ARID3B: variants seen among roughly 807,000 people sequenced by gnomAD.
ARID3B encodes AT-rich interaction domain 3B.
In ARID3B, 10 loss-of-function variants were observed where a neutral mutation model predicts 51.9. That is an observed-to-expected ratio of 0.19 (90% CI 0.12 to 0.33). The LOEUF (loss-of-function observed/expected upper bound fraction) is 0.33, where lower values mean the gene tolerates loss of function less well. Among genes scored for constraint, ARID3B ranks in the 10% least tolerant of loss-of-function variants. ARID3B has a pLI of 1.00. For synonymous variants in ARID3B, 205 were observed against 279.5 expected (o/e 0.73, Z 2.66); for missense variants, 483 against 716.3 (o/e 0.67, Z 3.72).
intron 2 of ARID3B, among the ~76,000 whole-genome samples, chr15:74,566,775 A>T (rs1276750643): frequency 6.6e-6 from 1 of 152,150 alleles, no homozygotes; most frequent in Admixed American, 6.5e-5. Context: ...TTTTTAAAAT[A>T]AAAAAAGAGC....
rs1353513792 is a variant in ARID3B, at chr15:74,589,833, C to A, written c.711C>A (p.Asn237Lys). 2 of 1,610,342 alleles carry A rather than the reference C, an allele frequency of 1.2e-6. No homozygotes were observed. Among genetic ancestry groups the A allele is most frequent in the Middle Eastern group, 3.4e-4 (2 of 5,892 alleles). Residue 237 changes from asparagine to lysine, a missense_variant, in exon 5 of 9, where the codon AAC (asparagine) becomes AAA (lysine). Coordinates refer to ENST00000346246, the MANE Select transcript of ARID3B (RefSeq NM_006465.4). ...GGACAACCACAGGGACCCCCATCAA[C>A]CGAATCCCCATCATGGCCAAACAGA... The part of the protein sequence containing the change: ...VFMQKRGTPI[N>K]RIPIMAKQIL...
chr15:74,582,829 A>T (rs1307570359), intron 4 of ARID3B, among the ~76,000 whole-genome samples: 3 of 152,234 alleles, frequency 2.0e-5, no homozygotes, highest in Non-Finnish European at 2.9e-5. Context: ...AAGAATTCCA[A>T]TGTCCATCAG....
At position 74,591,216 on chromosome 15, in the gene ARID3B, A is replaced by G; in HGVS notation, c.947A>G (p.Gln316Arg). 1 of 1,613,584 alleles carries G rather than the reference A, an allele frequency of 6.2e-7. No individual in the cohort carries two copies. Among genetic ancestry groups the G allele is most frequent in the East Asian group, 2.2e-5 (1 of 44,868 alleles). The part of the protein sequence containing the change: ...KKALSSPAEL[Q>R]AAIDGNRREG... Reference sequence around the variant, plus strand: ...GCCTTGAGTTCCCCAGCCGAGCTCCAGGCAGCAATTGATGGCAACCGCAGG... The same window carrying G: ...GCCTTGAGTTCCCCAGCCGAGCTCCGGGCAGCAATTGATGGCAACCGCAGG... The change falls in exon 6 of 9, where the codon CAG (glutamine) becomes CGG (arginine). Residue 316 changes from glutamine (Q) to arginine (R), a missense_variant. Transcript: ENST00000346246. This position sits in a 1 kb window ranked among gnomAD's most constrained non-coding sequence, Gnocchi z 5.8.
intron 4 of ARID3B, chr15:74,573,819 G>A: frequency 6.6e-6 from 1 of 152,088 alleles, no homozygotes; most frequent in Non-Finnish European, 1.5e-5. Flanking sequence ...TCAGCTCACT[G>A]CAACCTCTGC....
At chr15:74,545,972 GC>G (rs1180354501) in intron 2 of ARID3B, among the ~76,000 whole-genome samples, 2 of 152,226 alleles carry the variant, frequency 1.3e-5, no homozygotes, top group Admixed American at 1.3e-4. Context: ...ACATGTGAAA[GC>G]TTGTCCAGTG....
At chr15:74,545,137 A>G (rs2061610920) in intron 2 of ARID3B, among the ~76,000 whole-genome samples, 1 of 152,244 alleles carries the variant, frequency 6.6e-6, no homozygotes, top group Non-Finnish European at 1.5e-5. Flanking sequence ...TTTTCTAATA[A>G]TAATGTTTCT....
chr15:74,577,728 C>T (rs562253032), intron 4 of ARID3B, among the ~76,000 whole-genome samples: 1 of 152,120 alleles, frequency 6.6e-6, no homozygotes, highest in East Asian at 1.9e-4. Context: ...GGAGACGAGG[C>T]CCTTATGTTG....
chr15:74,544,323 C>T lies in ARID3B; in HGVS notation c.387C>T (p.Arg129=), dbSNP rs2061606973. Residue 129 remains arginine, a synonymous_variant, in exon 2 of 9, where the codon CGC becomes CGT. Coordinates refer to ENST00000346246, the MANE Select transcript of ARID3B (RefSeq NM_006465.4). ...ATTTTCATGTGCAGAAAGTAGCTCG[C>T]CAAGATCCCAGAGTGGCACCCATGT... ...SKYFHVQKVA[R]QDPRVAPMSN... The T allele has an allele frequency of 6.2e-7, 1 of 1,612,018 alleles. No individual in the cohort carries two copies. Among genetic ancestry groups the T allele is most frequent in the African/African-American group, 1.3e-5 (1 of 75,060 alleles).
chr15:74,590,102 C>A, intron 5 of ARID3B, 99 bp downstream of exon 5: 1 of 1,343,768 alleles, frequency 7.4e-7, no homozygotes, highest in Non-Finnish European at 9.9e-7. Context: ...GTATGGTTAG[C>A]AAGATGAGTG....
Position 74,544,162 on chromosome 15 carries a change from G to T in ARID3B, c.226G>T (p.Ala76Ser). 6.2e-7 allele frequency: 1 copy of T among 1,613,766 alleles called. No individual in the cohort carries two copies. The highest frequency in any genetic ancestry group is 8.5e-7 in the Non-Finnish European group (1 of 1,179,758). Reference protein sequence around the residue: ...LGPLARVPPTAAVAQVFERGN... With the variant: ...LGPLARVPPTSAVAQVFERGN... The stretch of plus-strand genomic sequence containing the variant: ...TCCCTTAGCCAGAGTTCCACCCACC[G>T]CAGCAGTGGCCCAAGTGTTTGAACG... Residue 76 changes from alanine (A) to serine (S), a missense_variant, in exon 2 of 9, where the codon GCA becomes TCA. Physicochemically the swap from Ala to Ser is moderately conservative, Grantham distance 99 (BLOSUM62 1). This residue lies in a region of ARID3B where 182 missense variants were observed against 244.5 expected (regional missense o/e 0.74). Coordinates refer to ENST00000346246, the MANE Select transcript of ARID3B (RefSeq NM_006465.4).
chr15:74,572,813 T>A, intron 2 of ARID3B, 49 bp from the exon 3 acceptor site: 3 of 1,581,656 alleles, frequency 1.9e-6, no homozygotes, highest in Non-Finnish European at 2.6e-6. Flanking sequence ...CTGTCCTAAC[T>A]CTTTCTCTTC....
At position 74,589,756 on chromosome 15, in the gene ARID3B, C is replaced by T. The variant is rs144496478; in HGVS notation, c.698-64C>T. 109 of 1,501,998 alleles carry T rather than the reference C, an allele frequency of 7.3e-5. 1 individual carries two copies. The highest frequency in any genetic ancestry group is 4.7e-4 in the Admixed American group (24 of 51,430). 93.0% of individuals were successfully genotyped at this position (1,501,998 alleles called of 1,614,324 possible). On this transcript the variant is annotated intron_variant, in intron 4 of 8. Transcript: ENST00000346246. ...CAGCTCGGCTAAAGGTGGGCATACA[C>T]GGAATCTTTCTTCTCAGCCTGATGA...
At chr15:74,568,179 G>C (rs564247893) in intron 2 of ARID3B, among the ~76,000 whole-genome samples, 1 of 152,304 alleles carries the variant, frequency 6.6e-6, no homozygotes, top group East Asian at 1.9e-4. Flanking sequence ...GCTGCTTTTC[G>C]TTTGGCTAAA....
chr15:74,566,634 T>C (rs1391008572), intron 2 of ARID3B, among the ~76,000 whole-genome samples: 1 of 151,930 alleles, frequency 6.6e-6, no homozygotes. Flanking sequence ...AAATAAATTT[T>C]GTGAAGGTGT....
chr15:74,565,239 A>G (rs991719097), intron 2 of ARID3B, among the ~76,000 whole-genome samples: 11 of 151,324 alleles, frequency 7.3e-5, no homozygotes, highest in African/African-American at 2.7e-4. Flanking sequence ...TTTTGTAGAG[A>G]TGGAGTCTCC....
At chr15:74,573,946 C>T in intron 4 of ARID3B, 1 of 152,302 alleles carries the variant, frequency 6.6e-6, no homozygotes, top group Non-Finnish European at 1.5e-5. Context: ...TGGGGTTTCA[C>T]CATGTTGGCC....
At chr15:74,541,565 C>G (rs2061595268) in intron 1 of ARID3B, among the ~76,000 whole-genome samples, 1 of 152,026 alleles carries the variant, frequency 6.6e-6, no homozygotes, top group Admixed American at 6.6e-5. Flanking sequence ...GTGAGGGGCC[C>G]TGGAGCTGAG....
chr15:74,596,451 T>C lies in ARID3B; in HGVS notation c.*677T>C, dbSNP rs1037563494. The C allele has an allele frequency of 3.5e-4, 81 of 233,568 alleles. 1 individual carries two copies. Among genetic ancestry groups the C allele is most frequent in the African/African-American group, 1.7e-3 (76 of 45,476 alleles). 14.5% of individuals were successfully genotyped at this position (233,568 alleles called of 1,614,324 possible). On this transcript the variant is annotated 3_prime_UTR_variant, in exon 9 of 9. Transcript: ENST00000346246. ...CATCTGCTGATGGGAAGGCAGAGCC[T>C]CGGGGCTGCCCAGCCCTGGCACCTG...
intron 2 of ARID3B, among the ~76,000 whole-genome samples, chr15:74,555,792 T>TC (rs1262856715): frequency 1.4e-5 from 2 of 142,070 alleles, no homozygotes; most frequent in Admixed American, 7.0e-5. Flanking sequence ...ATTTCTTTTT[T>TC]TTTTTTTTTT....
Sources: gnomAD v4.1 joint callset for allele counts (sites outside exome capture counted in the v4.1 genomes callset) on GRCh38, gnomAD v4.1.1 for gene constraint, gnomAD v4.1.1 regional missense constraint, Gnocchi (gnomAD v3.1) non-coding constraint, MANE v1.5 for transcripts, NCBI Gene and HGNC (gene_info 2026-07-23, HGNC 2026-07-21) for gene names.